ADAM12: variants seen among roughly 807,000 people sequenced by gnomAD.
ADAM12 encodes ADAM metallopeptidase domain 12, also known as disintegrin and metalloproteinase domain-containing protein 12.
In ADAM12, 70 loss-of-function variants were observed where a neutral mutation model predicts 106.4. The observed-to-expected ratio is 0.66, with a 90% CI of 0.54 to 0.80. The LOEUF (loss-of-function observed/expected upper bound fraction) is 0.80. ADAM12 is among the 30% of genes least tolerant of loss of function. The pLI is 0.00. For missense variants in ADAM12, 1,010 were observed against 1,171.9 expected (o/e 0.86, Z 2.02); for synonymous variants, 420 against 433.5 (o/e 0.97, Z 0.39).
intron 3 of ADAM12, among the ~76,000 whole-genome samples, chr10:126,165,330 G>A (rs1329811735): frequency 6.6e-6 from 1 of 152,188 alleles, no homozygotes. Flanking sequence ...ATTACGCCTG[G>A]TTAATTTTCC....
At chr10:126,090,004 G>T (rs1955432184) in intron 11 of ADAM12, among the ~76,000 whole-genome samples, 1 of 152,010 alleles carries the variant, frequency 6.6e-6, no homozygotes, top group Non-Finnish European at 1.5e-5. Context: ...TGCCCATGCT[G>T]GTCTTGAACT....
intron 3 of ADAM12, among the ~76,000 whole-genome samples, chr10:126,253,326 G>T (rs1958822427): frequency 1.3e-5 from 2 of 152,130 alleles, no homozygotes; most frequent in Non-Finnish European, 2.9e-5. Context: ...TTTTACAACT[G>T]GTCTTCATCA....
intron 3 of ADAM12, among the ~76,000 whole-genome samples, chr10:126,190,213 T>C (rs1406013608): frequency 6.6e-6 from 1 of 151,886 alleles, no homozygotes; most frequent in Non-Finnish European, 1.5e-5. Flanking sequence ...TTTTTTTCTT[T>C]TTTTTTTAGA....
At chr10:126,226,137 G>C (rs547671407) in intron 3 of ADAM12, among the ~76,000 whole-genome samples, 1 of 138,226 alleles carries the variant, frequency 7.2e-6, no homozygotes, top group South Asian at 2.5e-4. Flanking sequence ...TAAAGGTGAC[G>C]GCCCAGCAAT....
At chr10:126,115,806 T>C (rs1955970887) in intron 6 of ADAM12, among the ~76,000 whole-genome samples, 1 of 152,180 alleles carries the variant, frequency 6.6e-6, no homozygotes, top group African/African-American at 2.4e-5. Flanking sequence ...GCAGGAAATG[T>C]CCCTTTCATA....
At chr10:126,144,900 G>A (rs1565093036) in intron 4 of ADAM12, among the ~76,000 whole-genome samples, 1 of 152,174 alleles carries the variant, frequency 6.6e-6, no homozygotes, top group East Asian at 1.9e-4. Context: ...AGCTGGTTAA[G>A]TGCTCGAGCT....
Position 126,064,737 on chromosome 10 carries a change from A to G in ADAM12, c.1609+69T>C, listed in dbSNP as rs531191133. The G allele has an allele frequency of 1.3e-4, 198 of 1,478,806 alleles. No individual in the cohort carries two copies. The African/African-American group carries it at 2.6e-3, about 20-fold the overall frequency. 91.6% of individuals were successfully genotyped at this position (1,478,806 alleles called of 1,614,324 possible). A position where few individuals can be genotyped will look rare whatever the true frequency, so the allele number is the denominator to read the frequency against. ...GTGGGGGCTAACCAAAACAGAGCACATGCCCCCAGTCCCACAGCCCAGGTC... is the reference window on the plus strand; with the variant it reads ...GTGGGGGCTAACCAAAACAGAGCACGTGCCCCCAGTCCCACAGCCCAGGTC... On this transcript the variant is annotated intron_variant, in intron 14 of 22. Coordinates refer to ENST00000448723, the MANE Select transcript of ADAM12 (RefSeq NM_001288973.2). The surrounding 1 kb of genome is among the most constrained non-coding windows in gnomAD (Gnocchi z 4.4).
chr10:126,055,157 C>T (rs1465639666), intron 14 of ADAM12, among the ~76,000 whole-genome samples: 4 of 152,202 alleles, frequency 2.6e-5, no homozygotes. Flanking sequence ...AACTTCCCTG[C>T]ACCCATCCCC....
At chr10:126,164,209 C>T (rs565907604) in intron 3 of ADAM12, among the ~76,000 whole-genome samples, 4 of 152,288 alleles carry the variant, frequency 2.6e-5, no homozygotes, top group African/African-American at 4.8e-5. Context: ...GAAGACCATA[C>T]GTATTGTTGG....
At chr10:126,358,577 C>T (rs752278274) in intron 1 of ADAM12, among the ~76,000 whole-genome samples, 9 of 152,088 alleles carry the variant, frequency 5.9e-5, no homozygotes, top group East Asian at 1.9e-4. Context: ...CTCTAAGATC[C>T]GGAACAAGAC....
At chr10:126,128,870 C>A (rs1248423809) in intron 5 of ADAM12, among the ~76,000 whole-genome samples, 1 of 121,484 alleles carries the variant, frequency 8.2e-6, no homozygotes, top group Non-Finnish European at 1.7e-5. Context: ...GGCGCCTGTG[C>A]GAGTGTGTGG....
intron 3 of ADAM12, among the ~76,000 whole-genome samples, chr10:126,165,230 C>T (rs555804902): frequency 7.2e-5 from 11 of 152,120 alleles, no homozygotes; most frequent in East Asian, 1.9e-4. Flanking sequence ...TGCAGTGGTG[C>T]GATCCCGGCT....
chr10:126,273,890 C>G (rs1470723396), intron 3 of ADAM12, among the ~76,000 whole-genome samples: 1 of 152,076 alleles, frequency 6.6e-6, no homozygotes, highest in Non-Finnish European at 1.5e-5. Context: ...ACAAGGAGGC[C>G]AAGGTGGGCA....
intron 11 of ADAM12, among the ~76,000 whole-genome samples, chr10:126,086,663 AAAAAAAAAAAAAAAAAAAT>A (rs1955349018): frequency 1.9e-5 from 1 of 52,954 alleles, no homozygotes; most frequent in Admixed American, 2.5e-4. Context: ...AAAAAAAAAA[AAAAAAAAAAAAAAAAAAAT>A]ATATATATAT....
chr10:126,133,105 C>T (rs1263120876), intron 5 of ADAM12, among the ~76,000 whole-genome samples: 1 of 152,140 alleles, frequency 6.6e-6, no homozygotes, highest in Non-Finnish European at 1.5e-5. Flanking sequence ...TAGCTGAATC[C>T]TGGCTGATTC....
At chr10:126,027,868 G>A (rs1291831485) in intron 21 of ADAM12, among the ~76,000 whole-genome samples, 4 of 152,174 alleles carry the variant, frequency 2.6e-5, no homozygotes, top group Non-Finnish European at 5.9e-5. Context: ...TCAGGCAAGA[G>A]AAAGGAAGTG....
intron 3 of ADAM12, among the ~76,000 whole-genome samples, chr10:126,219,973 G>A (rs1958059504): frequency 6.6e-6 from 1 of 152,168 alleles, no homozygotes; most frequent in Non-Finnish European, 1.5e-5. Flanking sequence ...GGGGAGACAG[G>A]AGCTGGAAAA....
intron 14 of ADAM12, among the ~76,000 whole-genome samples, chr10:126,055,723 C>T (rs1438521452): frequency 1.3e-5 from 2 of 152,160 alleles, no homozygotes; most frequent in South Asian, 2.1e-4. Context: ...TCTTCGGAAC[C>T]ACCAACATAT....
At chr10:126,037,523 AT>A (rs369747359) in intron 20 of ADAM12, among the ~76,000 whole-genome samples, 7 of 151,730 alleles carry the variant, frequency 4.6e-5, no homozygotes, top group African/African-American at 1.2e-4. Context: ...TCAATCACTT[AT>A]TTTTTTTGAC....
Sources: gnomAD v4.1 joint callset for allele counts (sites outside exome capture counted in the v4.1 genomes callset) on GRCh38, gnomAD v4.1.1 for gene constraint, Gnocchi (gnomAD v3.1) non-coding constraint, MANE v1.5 for transcripts, NCBI Gene and HGNC (gene_info 2026-07-23, HGNC 2026-07-21) for gene names.